GIP: variants seen among roughly 807,000 people sequenced by gnomAD.
The protein encoded by GIP is gastric inhibitory polypeptide, also known as glucose-dependent insulinotropic polypeptide.
A neutral mutation model predicts 18.1 loss-of-function variants in GIP; 16 were observed. That is an observed-to-expected ratio of 0.88 (90% CI 0.60 to 1.34). GIP has a LOEUF of 1.34. GIP is among the 40% of genes most tolerant of loss of function. The pLI is 0.00. For synonymous variants in GIP, 76 were observed against 74.0 expected (o/e 1.03, Z -0.14); for missense variants, 192 against 183.4 (o/e 1.05, Z -0.27).
At chr17:48,962,921 G>T (rs978120976) in intron 3 of GIP, among the ~76,000 whole-genome samples, 1 of 150,484 alleles carries the variant, frequency 6.6e-6, no homozygotes, top group African/African-American at 2.4e-5. Context: ...AGGCCAACAC[G>T]GTGAAGCCCC....
intron 2 of GIP, among the ~76,000 whole-genome samples, chr17:48,966,029 G>A (rs1287724535): frequency 6.6e-6 from 1 of 152,088 alleles, no homozygotes; most frequent in Non-Finnish European, 1.5e-5. Context: ...GGAGGTCCAA[G>A]CAGGTGGATC....
At chr17:48,965,405 C>T (rs894532013) in intron 2 of GIP, among the ~76,000 whole-genome samples, 14 of 149,988 alleles carry the variant, frequency 9.3e-5, no homozygotes, top group East Asian at 2.0e-4. Context: ...GAGATTGAGA[C>T]CATCCTGGCT....
chr17:48,966,112 G>C (rs1433985437), intron 2 of GIP, among the ~76,000 whole-genome samples: 1 of 152,058 alleles, frequency 6.6e-6, no homozygotes, highest in Non-Finnish European at 1.5e-5. Context: ...ACAAAAGTTA[G>C]CCGGGCGTGG....
chr17:48,966,987 T>G (rs1192132891), intron 2 of GIP, among the ~76,000 whole-genome samples, 160 bp downstream of exon 2: 2 of 152,142 alleles, frequency 1.3e-5, no homozygotes, highest in South Asian at 2.1e-4. Context: ...TCTGGCTCAG[T>G]GCTCACTTTG....
chr17:48,967,937 A>G (rs899317376), intron 1 of GIP, among the ~76,000 whole-genome samples: 2 of 151,872 alleles, frequency 1.3e-5, no homozygotes, highest in Non-Finnish European at 2.9e-5. Context: ...CTGTGATCCC[A>G]GCTATTCAGG....
rs751075714 is a variant in GIP, at chr17:48,961,802, G to T, written c.275C>A (p.Thr92Asn). The change falls in exon 4 of 6, where the codon ACC (threonine) becomes AAC (asparagine). Residue 92 changes from threonine to asparagine, a missense_variant. Thr to Asn is a moderately conservative substitution (Grantham distance 65, BLOSUM62 0). Transcript: ENST00000357424. ...GKKNDWKHNI[T>N]QREARALELA... ...CTCCAGCGCCCGAGCCTCCCTCTGG[G>T]TGATGTTGTGTTTCCAGCTGGGAAG... The T allele has an allele frequency of 5.0e-6, 8 of 1,612,364 alleles. No individual in the cohort carries two copies. The South Asian group carries it at 8.8e-5, about 18-fold the overall frequency.
intron 1 of GIP, among the ~76,000 whole-genome samples, chr17:48,967,645 A>T (rs748234173): frequency 1.7e-4 from 25 of 151,240 alleles, no homozygotes; most frequent in Non-Finnish European, 3.1e-4. Context: ...GGCGTGAGCC[A>T]TCGCGCCTTG....
chr17:48,967,206 C>T lies in GIP; in HGVS notation c.27G>A (p.Leu9=). The T allele has an allele frequency of 6.2e-7, 1 of 1,614,032 alleles. No individual in the cohort carries two copies. The highest frequency in any genetic ancestry group is 8.5e-7 in the Non-Finnish European group (1 of 1,179,918). The part of the protein sequence containing the change: MVATKTFA[L]LLLSLFLAVG... ...CTGCCAGGAACAGGGACAGCAGCAGCAGAGCAAAGGTCTTCGTGGCCACCA... is the reference window on the plus strand; with the variant it reads ...CTGCCAGGAACAGGGACAGCAGCAGTAGAGCAAAGGTCTTCGTGGCCACCA... Residue 9 remains leucine (L), a synonymous_variant, in exon 2 of 6, where the codon CTG becomes CTA. Coordinates refer to ENST00000357424, the MANE Select transcript of GIP (RefSeq NM_004123.3).
chr17:48,964,259 G>C (rs1239073432), intron 3 of GIP, 51 bp downstream of exon 3: 1 of 1,485,246 alleles, frequency 6.7e-7, no homozygotes, highest in African/African-American at 1.4e-5. Context: ...TCTGAAGGTA[G>C]GAAGGCAGAG....
intron 2 of GIP, among the ~76,000 whole-genome samples, chr17:48,965,911 A>G (rs2041233571): frequency 6.6e-6 from 1 of 152,148 alleles, no homozygotes; most frequent in South Asian, 2.1e-4. Context: ...CCGTATAGGT[A>G]ACAGATCCAG....
chr17:48,964,733 T>C (rs556743441), intron 2 of GIP, among the ~76,000 whole-genome samples: 1 of 152,228 alleles, frequency 6.6e-6, no homozygotes, highest in African/African-American at 2.4e-5. Context: ...CGGTGGCTCA[T>C]GCCTGTAATC....
intron 4 of GIP, among the ~76,000 whole-genome samples, chr17:48,961,191 C>T (rs116837265): frequency 1.3e-5 from 2 of 152,166 alleles, no homozygotes; most frequent in Non-Finnish European, 2.9e-5. Context: ...GGAATATGGA[C>T]TCTTCATACA....
intron 1 of GIP, 60 bp from the exon 2 acceptor site, chr17:48,967,313 G>A (rs904492945): frequency 3.6e-6 from 4 of 1,124,610 alleles, no homozygotes; most frequent in Non-Finnish European, 5.4e-6. Context: ...TCTGAAAGCT[G>A]GAGAGGGGCA....
chr17:48,968,421 G>C (rs1056472903), intron 1 of GIP, 96 bp downstream of exon 1: 1 of 152,116 alleles, frequency 6.6e-6, no homozygotes, highest in African/African-American at 2.4e-5. Flanking sequence ...TAGAGGAAGA[G>C]AAAACTAAGA....
At chr17:48,959,160 T>C (rs970188148) in intron 5 of GIP, among the ~76,000 whole-genome samples, 1 of 152,106 alleles carries the variant, frequency 6.6e-6, no homozygotes, top group African/African-American at 2.4e-5. Context: ...GGCCTCATTT[T>C]ACTTATTTTT....
At chr17:48,961,134 A>G (rs1345356730) in intron 4 of GIP, 147 bp from the exon 5 acceptor site, 2 of 597,946 alleles carry the variant, frequency 3.3e-6, no homozygotes, top group Non-Finnish European at 5.9e-6. Flanking sequence ...CAGCTCTGAG[A>G]TCTGGAGCCT....
chr17:48,960,832 T>C (rs1366426549), intron 5 of GIP, 54 bp downstream of exon 5: 17 of 1,056,802 alleles, frequency 1.6e-5, no homozygotes, highest in Non-Finnish European at 2.3e-5. Flanking sequence ...TCTGAATCCA[T>C]GTCTGATGCC....
intron 2 of GIP, among the ~76,000 whole-genome samples, chr17:48,966,115 G>A (rs573928975): frequency 4.9e-4 from 74 of 151,914 alleles, no homozygotes; most frequent in African/African-American, 1.4e-3. Flanking sequence ...AAAGTTAGCC[G>A]GGCGTGGTGG....
chr17:48,967,027 G>T, intron 2 of GIP, 120 bp downstream of exon 2: 1 of 715,578 alleles, frequency 1.4e-6, no homozygotes, highest in Admixed American at 2.3e-5. Context: ...TATTTCCCTG[G>T]AGCTTCCTAC....
Sources: gnomAD v4.1 joint callset for allele counts (sites outside exome capture counted in the v4.1 genomes callset) on GRCh38, gnomAD v4.1.1 for gene constraint, MANE v1.5 for transcripts, NCBI Gene and HGNC (gene_info 2026-07-23, HGNC 2026-07-21) for gene names.